The following AVEN variants were observed in gnomAD, a reference collection of about 807,000 sequenced individuals.
AVEN encodes cell death regulator Aven.
Under a neutral mutation model 38.1 loss-of-function variants are expected in AVEN, and 41 were observed. The ratio of observed to expected loss-of-function variants is 1.08; its 90% CI spans 0.84 to 1.40. The LOEUF (loss-of-function observed/expected upper bound fraction) is 1.40, where lower values mean the gene tolerates loss of function less well. Among genes scored for constraint, AVEN ranks in the 40% most tolerant of loss-of-function variants. The pLI, the probability that AVEN is intolerant of heterozygous loss-of-function variation, is 0.00. For missense variants in AVEN, 605 were observed against 438.8 expected (o/e 1.38, Z -3.38); for synonymous variants, 206 against 171.8 (o/e 1.20, Z -1.56).
chr15:33,981,799 A>T (rs185587690), intron 2 of AVEN, among the ~76,000 whole-genome samples: 32 of 152,292 alleles, frequency 2.1e-4, no homozygotes, highest in Admixed American at 1.1e-3. Context: ...ATGTATACAA[A>T]ATACCAAATA....
intron 5 of AVEN, among the ~76,000 whole-genome samples, chr15:34,054,565 C>G (rs1900056580): frequency 6.6e-6 from 1 of 152,148 alleles, no homozygotes; most frequent in Non-Finnish European, 1.5e-5. Context: ...CCTGAGCAGA[C>G]TAACACAGGA....
At chr15:33,970,358 G>A (rs527651106) in intron 2 of AVEN, among the ~76,000 whole-genome samples, 1 of 151,966 alleles carries the variant, frequency 6.6e-6, no homozygotes, top group East Asian at 1.9e-4. Context: ...AAACTTACCT[G>A]TCATTTTCCA....
At chr15:33,897,748 G>T (rs2153042266) in intron 2 of AVEN, among the ~76,000 whole-genome samples, 1 of 152,202 alleles carries the variant, frequency 6.6e-6, no homozygotes, top group East Asian at 2.0e-4. Flanking sequence ...CAGCCATGGT[G>T]GTGTGCACCT....
intron 2 of AVEN, among the ~76,000 whole-genome samples, chr15:33,914,760 GA>G: frequency 6.6e-6 from 1 of 151,998 alleles, no homozygotes; most frequent in East Asian, 1.9e-4. Flanking sequence ...ATGAACTCAT[GA>G]TTTTTTTTTA....
upstream of AVEN, among the ~76,000 whole-genome samples, chr15:34,040,963 G>A (rs1233464859): frequency 6.6e-6 from 1 of 152,148 alleles, no homozygotes; most frequent in Non-Finnish European, 1.5e-5. Flanking sequence ...ATAGCAGTGG[G>A]GAAGGGGCAT....
At chr15:33,873,262 G>A (rs917194132) in intron 3 of AVEN, among the ~76,000 whole-genome samples, 3 of 150,658 alleles carry the variant, frequency 2.0e-5, no homozygotes, top group Non-Finnish European at 4.4e-5. Flanking sequence ...ACCACGCCCA[G>A]CTAATTTTTG....
intron 2 of AVEN, among the ~76,000 whole-genome samples, chr15:33,943,648 C>A (rs1197595581): frequency 6.6e-6 from 1 of 151,946 alleles, no homozygotes; most frequent in Non-Finnish European, 1.5e-5. Flanking sequence ...CTAGCCTGGC[C>A]AACATGGTGA....
At chr15:33,862,061 A>AAACTT (rs1385685537), downstream of AVEN, among the ~76,000 whole-genome samples, 2 of 152,120 alleles carry the variant, frequency 1.3e-5, no homozygotes, top group African/African-American at 4.8e-5. Context: ...ACTTCCTATA[A>AAACTT]AACTTAAAAC....
chr15:34,013,565 C>G (rs2632074), intron 1 of AVEN, among the ~76,000 whole-genome samples: 151,187 of 152,350 alleles, frequency 0.99, 75,028 homozygotes, highest in Middle Eastern at 1. Flanking sequence ...TAGTTACTGA[C>G]TTCCAGCACT....
At chr15:34,011,248 T>C (rs1408975035) in intron 1 of AVEN, among the ~76,000 whole-genome samples, 1 of 152,084 alleles carries the variant, frequency 6.6e-6, no homozygotes, top group Non-Finnish European at 1.5e-5. Flanking sequence ...CAGGGGGAAC[T>C]ACGCTAGCAA....
chr15:33,910,292 T>C (rs2153045241), intron 2 of AVEN, among the ~76,000 whole-genome samples: 1 of 152,142 alleles, frequency 6.6e-6, no homozygotes, highest in African/African-American at 2.4e-5. Flanking sequence ...AGGTGTGAGG[T>C]GGCTGTGAAT....
intron 2 of AVEN, among the ~76,000 whole-genome samples, chr15:33,908,026 A>T (rs1013200407): frequency 9.2e-5 from 14 of 152,234 alleles, no homozygotes; most frequent in African/African-American, 3.1e-4. Context: ...AACACATCAG[A>T]TAAAAGGCTA....
At chr15:34,012,342 T>C (rs563408356) in intron 1 of AVEN, among the ~76,000 whole-genome samples, 3 of 152,322 alleles carry the variant, frequency 2.0e-5, no homozygotes, top group South Asian at 2.1e-4. Context: ...CTTTGTTAAA[T>C]CATATGATTA....
intron 2 of AVEN, among the ~76,000 whole-genome samples, chr15:33,896,459 T>C (rs147790119): frequency 1.6e-3 from 239 of 152,342 alleles, no homozygotes; most frequent in African/African-American, 5.5e-3. Flanking sequence ...TGTTCTTTCT[T>C]GCATTCATGT....
intron 2 of AVEN, among the ~76,000 whole-genome samples, chr15:33,969,476 T>C (rs1468554515): frequency 6.6e-6 from 1 of 151,814 alleles, no homozygotes; most frequent in African/African-American, 2.4e-5. Context: ...CATTCACAGA[T>C]AATGTTTACC....
intron 2 of AVEN, among the ~76,000 whole-genome samples, chr15:33,929,635 T>G (rs1427472550): frequency 6.6e-6 from 1 of 152,206 alleles, no homozygotes; most frequent in Admixed American, 6.5e-5. Context: ...ATTAGAATAT[T>G]TCACCAAGCA....
intron 2 of AVEN, among the ~76,000 whole-genome samples, chr15:33,917,521 ACG>A (rs1491116808): frequency 3.3e-5 from 4 of 121,990 alleles, no homozygotes; most frequent in East Asian, 4.1e-4. Context: ...TCACACACAT[ACG>A]TGTATATATA....
intron 2 of AVEN, among the ~76,000 whole-genome samples, chr15:33,889,725 T>C (rs1891854458): frequency 6.6e-6 from 1 of 152,258 alleles, no homozygotes; most frequent in South Asian, 2.1e-4. Context: ...TTTGAATTTT[T>C]AAATGTTTTG....
chr15:33,984,437 T>C (rs936843329), intron 2 of AVEN, among the ~76,000 whole-genome samples: 6 of 151,982 alleles, frequency 3.9e-5, no homozygotes, highest in African/African-American at 1.4e-4. Context: ...AGTTTCACTC[T>C]TGTTGCTCAG....
Sources: gnomAD v4.1 joint callset for allele counts (sites outside exome capture counted in the v4.1 genomes callset) on GRCh38, gnomAD v4.1.1 for gene constraint, MANE v1.5 for transcripts, NCBI Gene and HGNC (gene_info 2026-07-23, HGNC 2026-07-21) for gene names.